Variants in NPHP4 observed in about 807,000 individuals in gnomAD.
NPHP4 encodes nephrocystin-4.
Under a neutral mutation model 155.8 loss-of-function variants are expected in NPHP4, and 151 were observed. The observed-to-expected ratio is 0.97, with a 90% confidence interval of 0.85 to 1.11. NPHP4 has a LOEUF of 1.11. Ranked by LOEUF, NPHP4 falls within the 50% of genes least tolerant of loss-of-function variation. The pLI is 0.00. For missense variants in NPHP4, 1,956 were observed against 1,925.7 expected (o/e 1.02, Z -0.29); for synonymous variants, 845 against 816.8 (o/e 1.03, Z -0.59).
chr1:5,975,037 G>T (rs981145083), intron 3 of NPHP4, among the ~76,000 whole-genome samples: 1 of 152,150 alleles, frequency 6.6e-6, no homozygotes, highest in Non-Finnish European at 1.5e-5. Context: ...AAGGGCAAAG[G>T]GTGTTTTACG....
chr1:5,970,452 G>A (rs1165336049), intron 3 of NPHP4, among the ~76,000 whole-genome samples: 4 of 152,126 alleles, frequency 2.6e-5, no homozygotes, highest in African/African-American at 4.8e-5. Context: ...GCAGTAAGCC[G>A]AGATCACGCC....
At chr1:5,880,325 G>T in intron 18 of NPHP4, 86 bp from the exon 19 acceptor site, 1 of 1,417,342 alleles carries the variant, frequency 7.1e-7, no homozygotes, top group Non-Finnish European at 9.8e-7. Flanking sequence ...AGCGGCTGTG[G>T]CTTTCAAATG....
chr1:5,919,224 A>G (rs1645618450), intron 11 of NPHP4, among the ~76,000 whole-genome samples: 1 of 152,258 alleles, frequency 6.6e-6, no homozygotes, highest in South Asian at 2.1e-4. Context: ...CAATTGTAGA[A>G]ACAGAAATCC....
Position 5,887,289 on chromosome 1 carries a change from C to T in NPHP4, c.2482G>A (p.Val828Met), listed in dbSNP as rs774129927. The T allele has an allele frequency of 3.7e-6, 6 of 1,612,114 alleles. No individual in the cohort carries two copies. The highest frequency in any genetic ancestry group is 2.7e-5 in the African/African-American group (2 of 74,926). Residue 828 changes from valine to methionine, a missense_variant, in exon 18 of 30, where the codon GTG becomes ATG. Val to Met is a conservative substitution (Grantham distance 21). Coordinates refer to ENST00000378156, the MANE Select transcript of NPHP4 (RefSeq NM_015102.5). ...GCACAAGGCTGGGGACTCTTACCCA[C>T]GTTGGCCAAAGTCAGGTGCAGCCGG... ...KGRLHLTLANVGHPCEQKVRG... is the reference protein window; with the variant it reads ...KGRLHLTLANMGHPCEQKVRG...
At position 5,867,234 on chromosome 1, in the gene NPHP4, C is replaced by A. The variant is rs550902840; in HGVS notation, c.3473-119G>T. 1.2e-4 allele frequency: 85 copies of A among 730,698 alleles called. No homozygotes were observed. The highest frequency in any genetic ancestry group is 1.8e-4 in the Non-Finnish European group (80 of 437,980). The allele number at this position is 730,698 out of a possible 1,614,324, so 45.3% of individuals were successfully genotyped here. A position where few individuals can be genotyped will look rare whatever the true frequency, so the allele number is the denominator to read the frequency against. Reference sequence around the variant, plus strand: ...CTCGTCACAGGTGCTCAGCAAGACACCTGCTGGGGAAACGGACGCCGCCAC... The same window carrying A: ...CTCGTCACAGGTGCTCAGCAAGACAACTGCTGGGGAAACGGACGCCGCCAC... On this transcript the variant is annotated intron_variant, in intron 24 of 29. Transcript: ENST00000378156. This position sits in a 1 kb window ranked among gnomAD's most constrained non-coding sequence, Gnocchi z 4.1.
chr1:5,954,057 G>A (rs1181620562), intron 6 of NPHP4, among the ~76,000 whole-genome samples: 2 of 152,100 alleles, frequency 1.3e-5, no homozygotes, highest in African/African-American at 2.4e-5. Context: ...AGTCAGTATC[G>A]CCTTTGCCTT....
chr1:5,893,434 A>C (rs4106090), intron 16 of NPHP4, among the ~76,000 whole-genome samples: 126,498 of 151,766 alleles, frequency 0.83, 52,965 homozygotes, highest in African/African-American at 0.93. Flanking sequence ...GGACAGGGGG[A>C]CCTTTCCTGC....
chr1:5,942,040 A>G (rs986965031), intron 9 of NPHP4, among the ~76,000 whole-genome samples: 1 of 152,164 alleles, frequency 6.6e-6, no homozygotes, highest in Non-Finnish European at 1.5e-5. Flanking sequence ...GGAGGAAAAA[A>G]GGTAACTCTA....
chr1:5,929,692 C>T (rs1452436944), intron 10 of NPHP4, among the ~76,000 whole-genome samples: 8 of 152,096 alleles, frequency 5.3e-5, no homozygotes, highest in Non-Finnish European at 1.5e-5. Flanking sequence ...TTGCTGGACT[C>T]AATCTGCTAA....
rs183838044 is a variant in NPHP4, at chr1:5,958,204, C to T, written c.673+3590G>A. Among the ~76,000 whole-genome samples the T allele has an allele frequency of 1.1e-3, 163 of 152,334 alleles. 1 individual carries two copies. The highest frequency in any genetic ancestry group is 1.8e-3 in the Non-Finnish European group (123 of 68,040). On this transcript the variant is annotated intron_variant, in intron 6 of 29. Coordinates refer to ENST00000378156, the MANE Select transcript of NPHP4 (RefSeq NM_015102.5). Reference sequence around the variant, plus strand: ...TCTTTAGCATATTGTATAAAAGGGGCAAACAACTGACAAGCTGCATTGGCA... The same window carrying T: ...TCTTTAGCATATTGTATAAAAGGGGTAAACAACTGACAAGCTGCATTGGCA...
At chr1:5,924,808 C>T (rs1290105986) in intron 11 of NPHP4, among the ~76,000 whole-genome samples, 2 of 152,060 alleles carry the variant, frequency 1.3e-5, no homozygotes, top group African/African-American at 4.8e-5. Context: ...GTGCACACCA[C>T]CGCGCATAGC....
intron 20 of NPHP4, chr1:5,875,853 T>A (rs1003485779): frequency 6.6e-6 from 1 of 152,378 alleles, no homozygotes; most frequent in East Asian, 1.9e-4. Context: ...CAGAGGAGGC[T>A]GAGGCGTCAG....
intron 23 of NPHP4, 44 bp downstream of exon 23, chr1:5,873,208 C>T (rs764004428): frequency 6.6e-7 from 1 of 1,517,950 alleles, no homozygotes; most frequent in Non-Finnish European, 9.1e-7. Flanking sequence ...CCTGGGAATA[C>T]CCAGGAAGCC....
At chr1:5,987,828 G>T (rs549661323) in intron 1 of NPHP4, among the ~76,000 whole-genome samples, 1 of 152,256 alleles carries the variant, frequency 6.6e-6, no homozygotes, top group East Asian at 1.9e-4. Flanking sequence ...TGGGTACTTG[G>T]CAGACATCTT....
At position 5,863,272 on chromosome 1, in the gene NPHP4, T is replaced by TA; in HGVS notation, c.4273dup (p.Tyr1425LeufsTer6). 6.2e-7 allele frequency: 1 copy of TA among 1,614,046 alleles called. No homozygotes were observed. The highest frequency in any genetic ancestry group is 8.5e-7 in the Non-Finnish European group (1 of 1,179,894). On this transcript the variant is annotated frameshift_variant, in exon 30 of 30. Transcript: ENST00000378156. LOFTEE classifies it high-confidence loss of function. ...GACGTCACCCTCAAGCCCTCACTGG[T>TA]AGATGACCTTCACGCAAAATGCCTC...
intron 1 of NPHP4, among the ~76,000 whole-genome samples, chr1:5,989,671 C>G (rs1655956947): frequency 6.6e-6 from 1 of 152,192 alleles, no homozygotes; most frequent in South Asian, 2.1e-4. Context: ...CAATGCAGGC[C>G]GTGATGGCCC....
At chr1:5,951,292 C>T (rs1647972569) in intron 7 of NPHP4, among the ~76,000 whole-genome samples, 1 of 152,238 alleles carries the variant, frequency 6.6e-6, no homozygotes, top group Non-Finnish European at 1.5e-5. Context: ...CGGGACTCAT[C>T]ACGAAAAGGG....
chr1:5,976,936 T>TC (rs1405643211), intron 3 of NPHP4, among the ~76,000 whole-genome samples: 1 of 152,122 alleles, frequency 6.6e-6, no homozygotes, highest in African/African-American at 2.4e-5. Flanking sequence ...GAGTAACGTC[T>TC]CAAAGGACGG....
chr1:5,926,529 A>C (rs758321731), intron 11 of NPHP4, among the ~76,000 whole-genome samples: 1 of 152,178 alleles, frequency 6.6e-6, no homozygotes. Flanking sequence ...ATTACTCCCT[A>C]AACAGTACAA....
Sources: allele counts gnomAD v4.1 joint callset (sites outside exome capture counted in the v4.1 genomes callset), GRCh38; gene constraint gnomAD v4.1.1; non-coding constraint Gnocchi (gnomAD v3.1); transcripts MANE v1.5; gene names NCBI Gene and HGNC (gene_info 2026-07-23, HGNC 2026-07-21).